The following PLCH2 variants were observed in gnomAD, a reference collection of about 807,000 sequenced individuals.
PLCH2 encodes 1-phosphatidylinositol 4,5-bisphosphate phosphodiesterase eta-2.
PLCH2 carries 98 observed loss-of-function variants against 134.7 expected under a neutral mutation model. The ratio of observed to expected loss-of-function variants is 0.73; its 90% CI spans 0.62 to 0.86. The LOEUF (loss-of-function observed/expected upper bound fraction) is 0.86, where lower values mean the gene tolerates loss of function less well. PLCH2 is among the 40% of genes least tolerant of loss of function. PLCH2 has a pLI of 0.00. For synonymous variants in PLCH2, 974 were observed against 827.5 expected, an observed-to-expected ratio of 1.18 and a Z score of -3.04; for missense variants, 1,994 against 1,986.6, an observed-to-expected ratio of 1.00 and a Z score of -0.07.
rs929978297 is a variant in PLCH2, at chr1:2,486,967, G to C, written c.877G>C (p.Glu293Gln). ...CATCGAGCAGTTTGAGCCATGCCCA[G>C]AAAACAAGAGTAAGGGGCTGCTGGG... ...DIIEQFEPCPENKSKGLLGID... is the reference protein window; with the variant it reads ...DIIEQFEPCPQNKSKGLLGID... Residue 293 changes from glutamate to glutamine, a missense_variant, in exon 6 of 22, where the codon GAA becomes CAA. Glu to Gln is a conservative substitution (Grantham distance 29, BLOSUM62 2). This residue lies in a region of PLCH2 where 1,094 missense variants were observed against 1,234.3 expected (regional missense o/e 0.89). Coordinates refer to ENST00000378486, the MANE Select transcript of PLCH2 (RefSeq NM_014638.4). 2 of 1,606,788 alleles carry C rather than the reference G, an allele frequency of 1.2e-6. No individual in the cohort carries two copies. Among genetic ancestry groups the C allele is most frequent in the Admixed American group, 1.7e-5 (1 of 59,188 alleles).
exon 1 of PLCH2, chr1:2,467,533 G>C (rs1472975408): frequency 1.0e-5 from 4 of 398,814 alleles, no homozygotes; most frequent in Non-Finnish European, 1.8e-5. Context: ...CCCCTGCTCG[G>C]GCTGGGGCTC....
At position 2,497,627 on chromosome 1, in the gene PLCH2, T is replaced by C. The variant is rs1447077012; in HGVS notation, c.2224+18T>C. 2 of 1,511,674 alleles carry C rather than the reference T, an allele frequency of 1.3e-6. No individual in the cohort carries two copies. Among genetic ancestry groups the C allele is most frequent in the African/African-American group, 2.8e-5 (2 of 72,292 alleles). The allele number at this position is 1,511,674 out of a possible 1,614,324, so 93.6% of individuals were successfully genotyped here. A position where few individuals can be genotyped will look rare whatever the true frequency, so the allele number is the denominator to read the frequency against. Reference sequence around the variant, plus strand: ...GTGCCAGGGTGAGGCACTCGGACACTCAGGGCTCGGACGCTCAGGGCTCGG... The same window carrying C: ...GTGCCAGGGTGAGGCACTCGGACACCCAGGGCTCGGACGCTCAGGGCTCGG... On this transcript the variant is annotated intron_variant, in intron 16 of 21. Transcript: ENST00000378486.
rs566427518 is a variant in PLCH2 at position 2,461,904 on chromosome 1, A to G, written c.116-16572A>G. ...CCTCTGCATCTGGCCTTCCCTGGCC[A>G]TCCACCCGGGACCCCCTGTCCCATC... On this transcript the variant is annotated intron_variant, in intron 2 of 3. Coordinates refer to the PLCH2 transcript ENST00000609981. Among the ~76,000 whole-genome samples the G allele has an allele frequency of 2.0e-5, 3 of 152,036 alleles. No individual in the cohort carries two copies. In the South Asian group the frequency reaches 6.2e-4, roughly 32 times the overall value.
At position 2,504,209 on chromosome 1, in the gene PLCH2, C is replaced by T. The variant is rs113783132; in HGVS notation, c.3247C>T (p.Arg1083Trp). ...GSQTDGRSQP[R>W]TLGHLPVIRR... is the part of the protein sequence containing the mutation. Reference sequence around the variant, plus strand: ...CCAGACGGACGGCAGGAGCCAGCCCCGGACCCTGGGCCACCTGCCCGTGAT... The same window carrying T: ...CCAGACGGACGGCAGGAGCCAGCCCTGGACCCTGGGCCACCTGCCCGTGAT... The change falls in exon 22 of 22, where the codon CGG (arginine) becomes TGG (tryptophan). Residue 1083 changes from arginine to tryptophan, a missense_variant. Transcript: ENST00000378486. 173 of 1,557,640 alleles carry T rather than the reference C, an allele frequency of 1.1e-4. 1 individual carries two copies. In the African/African-American group the frequency reaches 1.4e-3, roughly 12 times the overall value.
intron 11 of PLCH2, among the ~76,000 whole-genome samples, chr1:2,491,720 G>A (rs532308031): frequency 2.0e-5 from 3 of 152,372 alleles, no homozygotes; most frequent in South Asian, 2.1e-4. Flanking sequence ...AGGGTGGGCC[G>A]GGTCCTGCGG....
chr1:2,499,594 C>T, intron 19 of PLCH2, 47 bp from the exon 20 acceptor site: 1 of 1,395,604 alleles, frequency 7.2e-7, no homozygotes, highest in South Asian at 1.2e-5. Flanking sequence ...AGGTGGGGGC[C>T]CTGGGAGGCT....
At chr1:2,494,989 AGTGTCCTCCCTGCTCCCAGTGCCCC>A (rs774037572) in intron 12 of PLCH2, 41 bp downstream of exon 12, 18,962 of 1,374,590 alleles carry the variant, frequency 0.014, 935 homozygotes, top group African/African-American at 0.12. Flanking sequence ...GTCTGGGCCC[AGTGTCCTCCCTGCTCCCAGTGCCCC>A]GTGTCCTCCC....
intron 1 of PLCH2, among the ~76,000 whole-genome samples, chr1:2,477,158 TGTG>T (rs892069538): frequency 4.6e-5 from 7 of 152,050 alleles, no homozygotes; most frequent in Non-Finnish European, 8.8e-5. Flanking sequence ...GTGTGTGTCT[TGTG>T]GTGGCCTGTG....
At chr1:2,459,472 C>T (rs184610697) in intron 2 of PLCH2, among the ~76,000 whole-genome samples, 1 of 20,014 alleles carries the variant, frequency 5.0e-5, no homozygotes, top group Non-Finnish European at 8.4e-5. Context: ...GGTTCTCCTT[C>T]CTGGTGGTCC....
chr1:2,455,259 G>A (rs1035074102), intron 2 of PLCH2, among the ~76,000 whole-genome samples: 2 of 152,236 alleles, frequency 1.3e-5, no homozygotes, highest in South Asian at 2.1e-4. Flanking sequence ...CGTTGGCTGC[G>A]TGATGGCCAG....
intron 1 of PLCH2, among the ~76,000 whole-genome samples, 176 bp from the exon 2 acceptor site, chr1:2,478,300 T>C (rs563485148): frequency 6.6e-6 from 1 of 152,270 alleles, no homozygotes; most frequent in East Asian, 1.9e-4. Context: ...CTCTGGCCTT[T>C]GCCCTGTCAC....
Position 2,498,396 on chromosome 1 carries a change from C to A in PLCH2, c.2225-127C>A. The A allele has an allele frequency of 9.1e-7, 1 of 1,098,804 alleles. No homozygotes were observed. The highest frequency in any genetic ancestry group is 1.3e-6 in the Non-Finnish European group (1 of 778,330). The allele number at this position is 1,098,804 out of a possible 1,614,324, so 68.1% of individuals were successfully genotyped here. On this transcript the variant is annotated intron_variant, in intron 16 of 21. Coordinates refer to ENST00000378486, the MANE Select transcript of PLCH2 (RefSeq NM_014638.4). The surrounding 1 kb of genome is among the most constrained non-coding windows in gnomAD (Gnocchi z 5.4). ...CCCCCCTGGACCACTGCCTCCCTCC[C>A]TCCCCCTGGCACCGGCTCCAGTCTC...
At position 2,503,940 on chromosome 1, in the gene PLCH2, C is replaced by A; in HGVS notation, c.2978C>A (p.Thr993Lys). 3.1e-6 allele frequency: 4 copies of A among 1,292,576 alleles called. No individual in the cohort carries two copies. Among genetic ancestry groups the A allele is most frequent in the Non-Finnish European group, 4.4e-6 (4 of 917,556 alleles). 80.1% of individuals were successfully genotyped at this position (1,292,576 alleles called of 1,614,324 possible). ...CCCACAGACACCCGCCCCCTCTCCA[C>A]GCAGCGGCCACTCCCCCCACTGTGC... ...GSPRDTRPLSTQRPLPPLCSL... is the reference protein window; with the variant it reads ...GSPRDTRPLSKQRPLPPLCSL... The change falls in exon 22 of 22, where the codon ACG (threonine) becomes AAG (lysine). Residue 993 changes from threonine (T) to lysine (K), a missense_variant. Thr to Lys is a moderately conservative substitution (Grantham distance 78). Coordinates refer to ENST00000378486, the MANE Select transcript of PLCH2 (RefSeq NM_014638.4).
rs537455794 is a variant in PLCH2 at position 2,497,390 on chromosome 1, C to T, written c.2117-112C>T. 2.8e-4 allele frequency: 201 copies of T among 705,382 alleles called. 2 individuals are homozygous for T. The South Asian group carries it at 3.1e-3, about 11-fold the overall frequency. 43.7% of individuals were successfully genotyped at this position (705,382 alleles called of 1,614,324 possible). ...TCACATTGGGTGAACGAGGGGCAGA[C>T]GGCAGATACGCGGCAGCTGTGCAGG... On this transcript the variant is annotated intron_variant, in intron 15 of 21. Coordinates refer to ENST00000378486, the MANE Select transcript of PLCH2 (RefSeq NM_014638.4).
chr1:2,501,986 C>T lies in PLCH2; in HGVS notation c.2662-126C>T, dbSNP rs10047086. ...TCCACACACCCCCAGCCTGAGGTGGCCCAGCCCCTCGGACCGAGACACGCA... is the reference window on the plus strand; with the variant it reads ...TCCACACACCCCCAGCCTGAGGTGGTCCAGCCCCTCGGACCGAGACACGCA... On this transcript the variant is annotated intron_variant, in intron 20 of 21. Coordinates refer to ENST00000378486, the MANE Select transcript of PLCH2 (RefSeq NM_014638.4). The T allele has an allele frequency of 1.5e-3, 1,296 of 874,466 alleles. 16 individuals carry two copies. The African/African-American group carries it at 0.02, about 14-fold the overall frequency. 54.2% of individuals were successfully genotyped at this position (874,466 alleles called of 1,614,324 possible).
At chr1:2,436,081 TCCCTCTTCCCCTCCTCTCTTCCTTCC>T (rs1639332381) in intron 2 of PLCH2, among the ~76,000 whole-genome samples, 1 of 83,588 alleles carries the variant, frequency 1.2e-5, no homozygotes, top group Non-Finnish European at 2.4e-5. Context: ...TCCTCTCTCC[TCCCTCTTCCCCTCCTCTCTTCCTTCC>T]TCCTCCCCTC....
intron 1 of PLCH2, among the ~76,000 whole-genome samples, chr1:2,468,097 G>A (rs905474285): frequency 6.6e-6 from 1 of 152,242 alleles, no homozygotes; most frequent in Non-Finnish European, 1.5e-5. Context: ...GGGGGTGCCA[G>A]GGGCTGGTAG....
intron 2 of PLCH2, among the ~76,000 whole-genome samples, chr1:2,457,860 T>C (rs900394086): frequency 3.3e-5 from 5 of 149,802 alleles, no homozygotes; most frequent in African/African-American, 1.2e-4. Flanking sequence ...CAGGCTGCTT[T>C]CTTTTCTGTT....
chr1:2,436,424 TCCTTTCTCCCTCCTCCCTTCCTC>T (rs200758172), intron 2 of PLCH2, among the ~76,000 whole-genome samples: 1,640 of 40,338 alleles, frequency 0.041, 232 homozygotes, highest in African/African-American at 0.083. Context: ...CCACCTTTCC[TCCTTTCTCCCTCCTCCCTTCCTC>T]CCTTCCTCCC....
Sources: gnomAD v4.1 joint callset for allele counts (sites outside exome capture counted in the v4.1 genomes callset) on GRCh38, gnomAD v4.1.1 for gene constraint, gnomAD v4.1.1 regional missense constraint, Gnocchi (gnomAD v3.1) non-coding constraint, MANE v1.5 for transcripts, NCBI Gene and HGNC (gene_info 2026-07-23, HGNC 2026-07-21) for gene names.